REPS1: variants seen among roughly 807,000 people sequenced by gnomAD.
REPS1 encodes the protein ralBP1-associated Eps domain-containing protein 1.
Under a neutral mutation model 100.9 loss-of-function variants are expected in REPS1, and 39 were observed. The ratio of observed to expected loss-of-function variants is 0.39; its 90% CI spans 0.30 to 0.50. The LOEUF is 0.50. Among genes scored for constraint, REPS1 ranks in the 20% least tolerant of loss-of-function variants. REPS1 has a pLI of 0.86. For missense variants in REPS1, 821 were observed against 968.5 expected, an observed-to-expected ratio of 0.85 and a Z score of 2.02; for synonymous variants, 324 against 340.3, an observed-to-expected ratio of 0.95 and a Z score of 0.53.
rs113640412 is a variant in REPS1 at position 138,964,310 on chromosome 6, G to C, written c.154-16397C>G. 2.2e-3 allele frequency among the ~76,000 whole-genome samples: 327 copies of C among 151,816 alleles called. 1 individual carries two copies. The highest frequency in any genetic ancestry group is 7.2e-3 in the African/African-American group (300 of 41,392). ...TACCTCAGTGAGGGAAAATTCTCCA[G>C]GTCTTTCCCCCAACACTATGTCCTT... On this transcript the variant is annotated intron_variant, in intron 1 of 19. Coordinates refer to ENST00000450536, the MANE Select transcript of REPS1 (RefSeq NM_001286611.2).
chr6:138,916,140 G>T, intron 13 of REPS1, 164 bp from the exon 14 acceptor site: 1 of 594,076 alleles, frequency 1.7e-6, no homozygotes. Context: ...CACTGTTTAT[G>T]ATGTACCCTA....
At chr6:138,936,594 G>A (rs368305710) in intron 8 of REPS1, among the ~76,000 whole-genome samples, 1 of 140,502 alleles carries the variant, frequency 7.1e-6, no homozygotes, top group African/African-American at 2.6e-5. Context: ...CAGGGTGGGG[G>A]GGGAGACAGA....
chr6:138,987,228 T>C (rs1406321366), intron 1 of REPS1, among the ~76,000 whole-genome samples: 1 of 152,228 alleles, frequency 6.6e-6, no homozygotes, highest in African/African-American at 2.4e-5. Flanking sequence ...ATTAACAACC[T>C]AAGATCCTTC....
intron 1 of REPS1, among the ~76,000 whole-genome samples, chr6:138,968,335 C>T (rs750435525): frequency 2.0e-5 from 3 of 152,184 alleles, no homozygotes; most frequent in Non-Finnish European, 4.4e-5. Context: ...AGTGGTGTGT[C>T]AGTACTTCTT....
At chr6:138,921,976 A>AGTGTGTGTGTGT (rs71895504) in intron 10 of REPS1, among the ~76,000 whole-genome samples, 1,652 of 148,604 alleles carry the variant, frequency 0.011, 13 homozygotes, top group Middle Eastern at 0.021. Context: ...CATCTCAAAA[A>AGTGTGTGTGTGT]GTGTGTGTGT....
At chr6:138,915,411 T>C (rs184292053) in intron 14 of REPS1, among the ~76,000 whole-genome samples, 58 of 151,630 alleles carry the variant, frequency 3.8e-4, no homozygotes, top group Admixed American at 3.2e-3. Context: ...AGAAATTGCC[T>C]CTCATCTGCT....
At chr6:138,945,192 C>A in intron 4 of REPS1, 27 bp downstream of exon 4, 1 of 1,570,574 alleles carries the variant, frequency 6.4e-7, no homozygotes, top group Non-Finnish European at 8.6e-7. Context: ...AACACAATGA[C>A]ACTCTAATCA....
At chr6:138,961,139 A>G (rs1783712392) in intron 1 of REPS1, among the ~76,000 whole-genome samples, 1 of 152,368 alleles carries the variant, frequency 6.6e-6, no homozygotes, top group Non-Finnish European at 1.5e-5. Context: ...TTCTCAAGAT[A>G]GGCATTATGG....
intron 9 of REPS1, chr6:138,928,714 T>C (rs1336198371): frequency 2.0e-5 from 3 of 152,184 alleles, no homozygotes; most frequent in Non-Finnish European, 4.4e-5. Context: ...CTGATATCAA[T>C]GGAATACAAA....
At chr6:138,922,311 C>G (rs774492202) in intron 10 of REPS1, among the ~76,000 whole-genome samples, 7 of 152,140 alleles carry the variant, frequency 4.6e-5, no homozygotes, top group African/African-American at 7.2e-5. Flanking sequence ...CAAAATTTAG[C>G]ATGAAACTGC....
chr6:138,945,107 C>G, intron 4 of REPS1, 112 bp downstream of exon 4: 1 of 886,314 alleles, frequency 1.1e-6, no homozygotes, highest in Non-Finnish European at 1.6e-6. Flanking sequence ...GTGGCACAAG[C>G]CTATAATCCC....
rs967784991 is a variant in REPS1 at position 138,987,856 on chromosome 6, G to T, written c.-174C>A. On this transcript the variant is annotated 5_prime_UTR_variant, in exon 1 of 20. Transcript: ENST00000450536. ...CCGAGCAACAGGGCCCGGAGGTCGC[G>T]AGGAGGGGGCCCGGCTGCGCTCGCC... 1 of 675,902 alleles carries T rather than the reference G, an allele frequency of 1.5e-6. No homozygotes were observed. Among genetic ancestry groups the T allele is most frequent in the Non-Finnish European group, 2.1e-6 (1 of 480,766 alleles). The allele number at this position is 675,902 out of a possible 1,614,324, so 41.9% of individuals were successfully genotyped here.
intron 1 of REPS1, among the ~76,000 whole-genome samples, chr6:138,968,663 T>C (rs1301948115): frequency 6.6e-6 from 1 of 152,178 alleles, no homozygotes; most frequent in Non-Finnish European, 1.5e-5. Flanking sequence ...AAAGAAACTT[T>C]GTATCATGTA....
At chr6:138,971,546 A>G (rs9376390) in intron 1 of REPS1, among the ~76,000 whole-genome samples, 60,902 of 151,906 alleles carry the variant, frequency 0.4, 12,629 homozygotes, top group East Asian at 0.63. Context: ...TTGCCAATAA[A>G]TTATCAGTTT....
chr6:138,980,369 T>A (rs1363504050), intron 1 of REPS1, among the ~76,000 whole-genome samples: 1 of 152,154 alleles, frequency 6.6e-6, no homozygotes, highest in Non-Finnish European at 1.5e-5. Flanking sequence ...ATAAAAACTT[T>A]TAGTATATTT....
Position 138,907,486 on chromosome 6 carries a change from C to G in REPS1, c.2322+9G>C. ...AAGGAACATTATAAAGATTCAGAAACTATATTACCTTTAATTGTTGCTGCA... is the reference window on the plus strand; with the variant it reads ...AAGGAACATTATAAAGATTCAGAAAGTATATTACCTTTAATTGTTGCTGCA... On this transcript the variant is annotated intron_variant, in intron 19 of 19. Transcript: ENST00000450536. 1 of 1,590,088 alleles carries G rather than the reference C, an allele frequency of 6.3e-7. No homozygotes were observed. The highest frequency in any genetic ancestry group is 2.2e-5 in the East Asian group (1 of 44,746).
In REPS1 at chr6:138,920,243, C is replaced by G; in HGVS notation, c.1500G>C (p.Ser500=). The part of the protein sequence containing the change: ...DLLEENKINS[S]VKFASGNTVA... ...CAGTATTACCAGAAGCGAATTTCACCGATGAATTTATCTTATTTTCTTCTA... is the reference window on the plus strand; with the variant it reads ...CAGTATTACCAGAAGCGAATTTCACGGATGAATTTATCTTATTTTCTTCTA... The change falls in exon 12 of 20, where the codon TCG becomes TCC. Residue 500 remains serine, a synonymous_variant. Transcript: ENST00000450536. The G allele has an allele frequency of 1.9e-6, 3 of 1,595,106 alleles. No individual in the cohort carries two copies. The highest frequency in any genetic ancestry group is 2.6e-6 in the Non-Finnish European group (3 of 1,162,944).
chr6:138,906,345 A>G (rs568481165), intron 19 of REPS1, among the ~76,000 whole-genome samples: 2 of 152,354 alleles, frequency 1.3e-5, no homozygotes, highest in East Asian at 1.9e-4. Flanking sequence ...ACATTAAAAA[A>G]TGCCTAACAT....
At chr6:138,976,928 C>A (rs1360531430) in intron 1 of REPS1, among the ~76,000 whole-genome samples, 1 of 152,148 alleles carries the variant, frequency 6.6e-6, no homozygotes, top group Admixed American at 6.5e-5. Context: ...AAATTTAAAT[C>A]CTTTATCAAA....
Sources: allele counts gnomAD v4.1 joint callset (sites outside exome capture counted in the v4.1 genomes callset), GRCh38; gene constraint gnomAD v4.1.1; transcripts MANE v1.5; gene names NCBI Gene and HGNC (gene_info 2026-07-23, HGNC 2026-07-21).